The following SFPQ variants were observed in gnomAD, a reference collection of about 807,000 sequenced individuals.
The protein encoded by SFPQ is splicing factor, proline- and glutamine-rich.
Under a neutral mutation model 72.9 loss-of-function variants are expected in SFPQ, and 11 were observed. The ratio of observed to expected loss-of-function variants is 0.15; its 90% CI spans 0.09 to 0.25. The LOEUF (loss-of-function observed/expected upper bound fraction) is 0.25. SFPQ is among the 10% of genes least tolerant of loss of function. The probability of loss-of-function intolerance (pLI) is 1.00; values close to 1 mark genes in which losing one functional copy is unlikely to be tolerated. For missense variants in SFPQ, 847 were observed against 993.3 expected, an observed-to-expected ratio of 0.85 and a Z score of 1.98; for synonymous variants, 506 against 367.3, an observed-to-expected ratio of 1.38 and a Z score of -4.32.
downstream of SFPQ, chr1:35,181,790 T>C (rs1439902885): frequency 5.1e-6 from 5 of 984,862 alleles, no homozygotes; most frequent in Non-Finnish European, 6.0e-6. Context: ...TAGGAAACTA[T>C]TAAGATTATT....
At position 35,184,421 on chromosome 1, in the gene SFPQ, CAAAA is replaced by C. The variant is rs764748226; in HGVS notation, c.*31_*34del. On this transcript the variant is annotated 3_prime_UTR_variant, in exon 10 of 10. Transcript: ENST00000357214. ...AAAGATTGGTATCTAAACAAAAAAA[CAAAA>C]CAAACTGGAATGAAAGCCTAAATAT... 5.7e-4 allele frequency: 909 copies of C among 1,590,716 alleles called. 2 individuals are homozygous for C. The highest frequency in any genetic ancestry group is 7.2e-4 in the Non-Finnish European group (844 of 1,173,228).
Position 35,192,703 on chromosome 1 carries a change from C to T in SFPQ, c.347G>A (p.Gly116Asp). Residue 116 changes from glycine to aspartate, a missense_variant, in exon 1 of 10, where the codon GGC becomes GAC. This residue lies in a region of SFPQ where 498 missense variants were observed against 405.1 expected (regional missense o/e 1.23). Coordinates refer to ENST00000357214, the MANE Select transcript of SFPQ (RefSeq NM_005066.3). ...SSKPVVAQGPGPAPGVGSAPP... is the reference protein window; with the variant it reads ...SSKPVVAQGPDPAPGVGSAPP... ...TGCGCTGCCTACTCCGGGAGCGGGGCCGGGTCCCTGAGCAACGACGGGCTT... is the reference window on the plus strand; with the variant it reads ...TGCGCTGCCTACTCCGGGAGCGGGGTCGGGTCCCTGAGCAACGACGGGCTT... The T allele has an allele frequency of 6.9e-7, 1 of 1,453,304 alleles. No individual in the cohort carries two copies. The allele number at this position is 1,453,304 out of a possible 1,614,324, so 90.0% of individuals were successfully genotyped here. A position where few individuals can be genotyped will look rare whatever the true frequency, so the allele number is the denominator to read the frequency against.
chr1:35,191,301 C>A, intron 2 of SFPQ, 40 bp downstream of exon 2: 1 of 1,557,654 alleles, frequency 6.4e-7, no homozygotes, highest in South Asian at 1.1e-5. Flanking sequence ...AAATCCCCCA[C>A]CCTTTTTAAT....
intron 7 of SFPQ, among the ~76,000 whole-genome samples, chr1:35,187,768 C>CAA (rs773982690): frequency 6.6e-6 from 1 of 151,004 alleles, no homozygotes; most frequent in Non-Finnish European, 1.5e-5. Context: ...CAAAACAAAA[C>CAA]AAAAAAACCA....
downstream of SFPQ, chr1:35,181,688 G>A (rs1639474990): frequency 2.8e-6 from 3 of 1,060,920 alleles, no homozygotes; most frequent in Non-Finnish European, 3.4e-6. Context: ...AGAGGAAATG[G>A]GGACAAGTGG....
chr1:35,187,445 T>G lies in SFPQ; in HGVS notation c.1816-194A>C, dbSNP rs926457590. 2.6e-5 allele frequency among the ~76,000 whole-genome samples: 4 copies of G among 152,190 alleles called. No individual in the cohort carries two copies. The East Asian group carries it at 5.8e-4, about 22-fold the overall frequency. Reference sequence around the variant, plus strand: ...TCCAAAGACCTACAAAACTTCCTATTCAAGGCCGGGAGCAGTGGCTCACGC... The same window carrying G: ...TCCAAAGACCTACAAAACTTCCTATGCAAGGCCGGGAGCAGTGGCTCACGC... On this transcript the variant is annotated intron_variant, in intron 7 of 9. Coordinates refer to ENST00000357214, the MANE Select transcript of SFPQ (RefSeq NM_005066.3).
downstream of SFPQ, chr1:35,180,585 G>A: frequency 9.5e-7 from 1 of 1,049,076 alleles, no homozygotes. Flanking sequence ...GCCCAAGTTA[G>A]TAACAATGGT....
At chr1:35,178,113 A>T (rs1259873937), downstream of SFPQ, 2 of 1,177,898 alleles carry the variant, frequency 1.7e-6, no homozygotes, top group Non-Finnish European at 2.1e-6. Context: ...GTCAACTTCA[A>T]AATTTAAAGA....
rs1640069346 is a variant in SFPQ, at chr1:35,192,469, G to A, written c.581C>T (p.Pro194Leu). The change falls in exon 1 of 10, where the codon CCG (proline) becomes CTG (leucine). Residue 194 changes from proline to leucine, a missense_variant. By Grantham distance (98) the Pro-to-Leu change is moderately conservative. Around this residue, in one of 6 missense-constraint regions of SFPQ, gnomAD observed 498 missense variants for 405.1 expected, o/e 1.23. Coordinates refer to ENST00000357214, the MANE Select transcript of SFPQ (RefSeq NM_005066.3). ...PPPPPAAVPGPGPGPKQGPGP... is the reference protein window; with the variant it reads ...PPPPPAAVPGLGPGPKQGPGP... ...TGGGCCCTGCTTAGGCCCTGGACCC[G>A]GGCCCGGGACTGCCGCGGGCGGAGG... The A allele has an allele frequency of 7.4e-7, 1 of 1,347,462 alleles. No individual in the cohort carries two copies. Among genetic ancestry groups the A allele is most frequent in the Non-Finnish European group, 9.5e-7 (1 of 1,057,368 alleles). The allele number at this position is 1,347,462 out of a possible 1,614,324, so 83.5% of individuals were successfully genotyped here. A position where few individuals can be genotyped will look rare whatever the true frequency, so the allele number is the denominator to read the frequency against.
At chr1:35,187,303 A>T (rs751294618) in intron 7 of SFPQ, 52 bp from the exon 8 acceptor site, 2 of 1,523,422 alleles carry the variant, frequency 1.3e-6, no homozygotes, top group South Asian at 2.3e-5. Context: ...CACAGCAAGC[A>T]TTCTTAAGAA....
chr1:35,186,558 A>G (rs374240266), intron 9 of SFPQ, among the ~76,000 whole-genome samples: 3 of 152,208 alleles, frequency 2.0e-5, no homozygotes, highest in South Asian at 2.1e-4. Context: ...AGTCCTACAC[A>G]TCACTAAAAC....
At chr1:35,176,746 C>G (rs1055779513) in intron 5 of SFPQ, among the ~76,000 whole-genome samples, 1 of 151,580 alleles carries the variant, frequency 6.6e-6, no homozygotes, top group African/African-American at 2.4e-5. Context: ...GTGTGGCGGG[C>G]GCCTGCAGTC....
Position 35,192,605 on chromosome 1 carries a change from G to A in SFPQ, c.445C>T (p.Pro149Ser), listed in dbSNP as rs1640083373. The A allele has an allele frequency of 2.2e-6, 3 of 1,358,166 alleles. No individual in the cohort carries two copies. Among genetic ancestry groups the A allele is most frequent in the Admixed American group, 8.1e-5 (2 of 24,794 alleles). 84.1% of individuals were successfully genotyped at this position (1,358,166 alleles called of 1,614,324 possible). A position where few individuals can be genotyped will look rare whatever the true frequency, so the allele number is the denominator to read the frequency against. Residue 149 changes from proline to serine, a missense_variant, in exon 1 of 10, where the codon CCG (proline) becomes TCG (serine). Coordinates refer to ENST00000357214, the MANE Select transcript of SFPQ (RefSeq NM_005066.3). ...ACTGCAGGCGGCGGGGTCGGAGTCG[G>A]GCCTGGCCCGGACCCTGGCGGGGCC... The part of the protein sequence containing the change: ...SGAPPGSGPG[P>S]TPTPPPAVTS...
At chr1:35,177,413 T>C (rs1351322767) in intron 4 of SFPQ, 2 of 152,046 alleles carry the variant, frequency 1.3e-5, no homozygotes, top group African/African-American at 2.4e-5. Context: ...TAACAAAAAA[T>C]GTTAACTTGC....
downstream of SFPQ, chr1:35,179,229 C>T: frequency 9.4e-7 from 1 of 1,061,274 alleles, no homozygotes; most frequent in Admixed American, 5.4e-5. Context: ...CTGCAGCTGA[C>T]AATGATTAAC....
intron 6 of SFPQ, among the ~76,000 whole-genome samples, chr1:35,188,504 T>A (rs916261780): frequency 6.6e-6 from 1 of 152,044 alleles, no homozygotes; most frequent in Non-Finnish European, 1.5e-5. Context: ...GAAGACTCCA[T>A]CTCCACAAAT....
intron 6 of SFPQ, among the ~76,000 whole-genome samples, 153 bp downstream of exon 6, chr1:35,188,850 G>T (rs1377705754): frequency 3.3e-5 from 5 of 152,156 alleles, no homozygotes; most frequent in African/African-American, 1.2e-4. Flanking sequence ...AATCCCAGCT[G>T]ATCGGGAGGC....
downstream of SFPQ, chr1:35,180,889 A>T: frequency 1.0e-6 from 1 of 985,318 alleles, no homozygotes. Flanking sequence ...GAAACCACAC[A>T]ACTGAGTCAG....
chr1:35,182,192 A>G, downstream of SFPQ: 3 of 985,078 alleles, frequency 3.0e-6, no homozygotes, highest in Non-Finnish European at 3.6e-6. Context: ...TTCAAAGTTC[A>G]CCCTCTGTGG....
Sources: gnomAD v4.1 joint callset for allele counts (sites outside exome capture counted in the v4.1 genomes callset) on GRCh38, gnomAD v4.1.1 for gene constraint, gnomAD v4.1.1 regional missense constraint, MANE v1.5 for transcripts, NCBI Gene and HGNC (gene_info 2026-07-23, HGNC 2026-07-21) for gene names.